TRPC7: variants seen among roughly 807,000 people sequenced by gnomAD.
TRPC7 encodes transient receptor potential cation channel subfamily C member 7, also known as short transient receptor potential channel 7.
A neutral mutation model predicts 90.1 loss-of-function variants in TRPC7; 42 were observed. The ratio of observed to expected loss-of-function variants is 0.47; its 90% CI spans 0.36 to 0.60. The LOEUF is 0.60. Ranked by LOEUF, TRPC7 falls within the 20% of genes least tolerant of loss-of-function variation. TRPC7 has a pLI of 0.00. For missense variants in TRPC7, 955 were observed against 1,112.3 expected, an observed-to-expected ratio of 0.86 and a Z score of 2.01; for synonymous variants, 451 against 436.3, an observed-to-expected ratio of 1.03 and a Z score of -0.42.
intron 5 of TRPC7, among the ~76,000 whole-genome samples, chr5:136,258,871 T>C (rs1048874404): frequency 2.0e-5 from 3 of 152,224 alleles, no homozygotes; most frequent in Admixed American, 6.5e-5. Context: ...CTTCTCACCA[T>C]TGGTCCCCAG....
At chr5:136,288,106 G>T (rs991763596) in intron 3 of TRPC7, among the ~76,000 whole-genome samples, 43 of 152,026 alleles carry the variant, frequency 2.8e-4, no homozygotes, top group African/African-American at 9.7e-4. Flanking sequence ...ACAATCACTA[G>T]ATTTTTTTTT....
intron 7 of TRPC7, among the ~76,000 whole-genome samples, chr5:136,232,096 T>C (rs572256468): frequency 1.3e-5 from 2 of 152,350 alleles, no homozygotes; most frequent in South Asian, 4.1e-4. Flanking sequence ...AATCCATTTA[T>C]TGGGACTCCT....
intron 3 of TRPC7, among the ~76,000 whole-genome samples, chr5:136,299,322 C>A (rs1243001589): frequency 7.3e-6 from 1 of 136,168 alleles, no homozygotes; most frequent in East Asian, 2.1e-4. Flanking sequence ...AAAGAAATTT[C>A]TCTGACTGGG....
Position 136,239,287 on chromosome 5 carries a change from G to A in TRPC7, c.1845-7738C>T, listed in dbSNP as rs564710003. ...CAGGCGTGGGCCACTGTGCCCAGCC[G>A]GTCCTGACTTGAATTTATAACATGA... On this transcript the variant is annotated intron_variant, in intron 7 of 11. Coordinates refer to ENST00000513104, the MANE Select transcript of TRPC7 (RefSeq NM_020389.3). 9.2e-5 allele frequency among the ~76,000 whole-genome samples: 14 copies of A among 152,306 alleles called. No homozygotes were observed. In the South Asian group the frequency reaches 1.0e-3, roughly 11 times the overall value.
intron 3 of TRPC7, among the ~76,000 whole-genome samples, chr5:136,312,176 C>T (rs1037738287): frequency 3.9e-5 from 6 of 152,144 alleles, no homozygotes; most frequent in Non-Finnish European, 8.8e-5. Context: ...AAGACACACC[C>T]ACTTGGGTTA....
rs559381088 is a variant in TRPC7, at chr5:136,225,158, A to G, written c.2343+116T>C. 24 of 888,914 alleles carry G rather than the reference A, an allele frequency of 2.7e-5. No homozygotes were observed. The African/African-American group carries it at 3.6e-4, about 13-fold the overall frequency. 55.1% of individuals were successfully genotyped at this position (888,914 alleles called of 1,614,324 possible). ...TAAGTACTCAATAAATATTTGTACA[A>G]TAAAGGAAGGAATGAAGCTGTGTTC... On this transcript the variant is annotated intron_variant, in intron 10 of 11. Transcript: ENST00000513104.
chr5:136,236,285 ACAGCCCCT>A (rs903344843), intron 7 of TRPC7, among the ~76,000 whole-genome samples: 1 of 152,200 alleles, frequency 6.6e-6, no homozygotes, highest in Non-Finnish European at 1.5e-5. Flanking sequence ...CAGCATACGT[ACAGCCCCT>A]CAGCCCCTCA....
At chr5:136,255,119 C>T (rs575455670) in intron 5 of TRPC7, among the ~76,000 whole-genome samples, 14 of 152,222 alleles carry the variant, frequency 9.2e-5, no homozygotes, top group South Asian at 2.1e-4. Flanking sequence ...GTGAAGATGC[C>T]GTGAACATTG....
At chr5:136,329,505 T>C (rs191319217) in intron 2 of TRPC7, among the ~76,000 whole-genome samples, 3 of 152,058 alleles carry the variant, frequency 2.0e-5, no homozygotes, top group Admixed American at 6.5e-5. Flanking sequence ...AGAGTATGAA[T>C]TGAGACCTGA....
intron 2 of TRPC7, among the ~76,000 whole-genome samples, chr5:136,326,705 C>T (rs1309807803): frequency 6.6e-6 from 1 of 152,086 alleles, no homozygotes; most frequent in Non-Finnish European, 1.5e-5. Flanking sequence ...CATTCACCTT[C>T]CTGGGTGCTA....
intron 8 of TRPC7, among the ~76,000 whole-genome samples, chr5:136,229,073 C>G (rs1183752263): frequency 6.6e-6 from 1 of 152,184 alleles, no homozygotes; most frequent in East Asian, 1.9e-4. Flanking sequence ...CTTTTCCAGG[C>G]ACCATCTGGT....
chr5:136,340,878 T>A (rs1470947526), intron 2 of TRPC7, among the ~76,000 whole-genome samples: 2 of 152,278 alleles, frequency 1.3e-5, no homozygotes, highest in East Asian at 3.9e-4. Context: ...ATAAGAGTTG[T>A]TTAGTCTTAC....
At position 136,213,106 on chromosome 5, in the gene TRPC7, G is replaced by T. The variant is rs1755145123; in HGVS notation, c.*329C>A. On this transcript the variant is annotated 3_prime_UTR_variant, in exon 12 of 12. Coordinates refer to ENST00000513104, the MANE Select transcript of TRPC7 (RefSeq NM_020389.3). ...TCCCACCTGCAGTGGGAGGGCACAG[G>T]TGTGCACCCAAGATGGCCTTTTCCT... Among the ~76,000 whole-genome samples the T allele has an allele frequency of 6.6e-6, 1 of 152,160 alleles. No individual in the cohort carries two copies.
intron 3 of TRPC7, among the ~76,000 whole-genome samples, chr5:136,294,535 A>C (rs969310834): frequency 2.6e-5 from 4 of 152,120 alleles, no homozygotes; most frequent in African/African-American, 9.7e-5. Flanking sequence ...AAACACATGA[A>C]AAAATGCTCA....
rs952750680 is a variant in TRPC7 at position 136,212,906 on chromosome 5, T to A, written c.*529A>T. Among the ~76,000 whole-genome samples the A allele has an allele frequency of 4.9e-4, 74 of 152,208 alleles. 1 individual carries two copies. Among genetic ancestry groups the A allele is most frequent in the African/African-American group, 1.7e-3 (69 of 41,444 alleles). ...ATTTAGGATTTTTAAACTTTTTTTTTATATAAACAAATAGAACTATTTTGC... is the reference window on the plus strand; with the variant it reads ...ATTTAGGATTTTTAAACTTTTTTTTAATATAAACAAATAGAACTATTTTGC... On this transcript the variant is annotated 3_prime_UTR_variant, in exon 12 of 12. Transcript: ENST00000513104.
intron 11 of TRPC7, among the ~76,000 whole-genome samples, chr5:136,215,063 A>G (rs1384374329): frequency 1.3e-5 from 2 of 152,102 alleles, no homozygotes; most frequent in African/African-American, 4.8e-5. Flanking sequence ...ATGCTGATTC[A>G]TTAGGTCTGG....
chr5:136,276,247 C>T (rs1332916404), intron 3 of TRPC7, among the ~76,000 whole-genome samples: 1 of 152,186 alleles, frequency 6.6e-6, no homozygotes, highest in East Asian at 1.9e-4. Context: ...TTTGACAGGT[C>T]TGCCCTTTGG....
intron 3 of TRPC7, among the ~76,000 whole-genome samples, chr5:136,313,697 G>T (rs372078148): frequency 6.6e-6 from 1 of 152,160 alleles, no homozygotes; most frequent in East Asian, 1.9e-4. Flanking sequence ...TCTTAGAAAT[G>T]AGCAGGTTGA....
chr5:136,254,608 T>TGTG (rs1490762100), intron 5 of TRPC7, among the ~76,000 whole-genome samples: 2 of 152,240 alleles, frequency 1.3e-5, no homozygotes, highest in African/African-American at 4.8e-5. Flanking sequence ...GGACAATGCA[T>TGTG]GTGGTCACTT....
Sources: allele counts gnomAD v4.1 joint callset (sites outside exome capture counted in the v4.1 genomes callset), GRCh38; gene constraint gnomAD v4.1.1; transcripts MANE v1.5; gene names NCBI Gene and HGNC (gene_info 2026-07-23, HGNC 2026-07-21).